The following MYH16 variants were observed in gnomAD, a reference collection of about 807,000 sequenced individuals.
MYH16 encodes the protein myosin heavy chain 16, also known as putative uncharacterized protein MYH16.
At chr7:99,256,587 A>C (rs1478498758) in intron 9 of MYH16, among the ~76,000 whole-genome samples, 5 of 152,228 alleles carry the variant, frequency 3.3e-5, no homozygotes, top group Non-Finnish European at 4.4e-5. Flanking sequence ...CAGCCTGACC[A>C]ACATGGTGAA....
intron 1 of MYH16, among the ~76,000 whole-genome samples, chr7:99,240,263 G>C (rs913912594): frequency 1.3e-5 from 2 of 151,986 alleles, no homozygotes; most frequent in Admixed American, 1.3e-4. Context: ...GATGAATTTG[G>C]ATTCAAACCC....
At chr7:99,246,951 T>C (rs2150805902) in intron 2 of MYH16, among the ~76,000 whole-genome samples, 1 of 152,274 alleles carries the variant, frequency 6.6e-6, no homozygotes, top group African/African-American at 2.4e-5. Flanking sequence ...CGATTTATGA[T>C]CAAACCCATC....
At chr7:99,294,567 A>ATTT (rs1161923361) in intron 33 of MYH16, among the ~76,000 whole-genome samples, 1 of 143,672 alleles carries the variant, frequency 7.0e-6, no homozygotes, top group African/African-American at 2.6e-5. Context: ...ATATATATAT[A>ATTT]TTTTTTTTCT....
intron 2 of MYH16, among the ~76,000 whole-genome samples, chr7:99,246,784 G>C (rs1326643898): frequency 6.6e-6 from 1 of 151,682 alleles, no homozygotes. Context: ...GGTGGGGGTG[G>C]GCATGGAGCA....
At chr7:99,257,364 A>T in exon 10 of MYH16, 1 of 179,262 alleles carries the variant, frequency 5.6e-6, no homozygotes, top group South Asian at 1.4e-4. Context: ...AGCTGACGGG[A>T]GGTATCATGC....
intron 2 of MYH16, among the ~76,000 whole-genome samples, chr7:99,244,147 T>C (rs1172363533): frequency 6.6e-6 from 1 of 152,096 alleles, no homozygotes; most frequent in East Asian, 1.9e-4. Context: ...CAAACATCCA[T>C]CCATCCATCC....
At chr7:99,310,216 G>A (rs1486485252), downstream of MYH16, among the ~76,000 whole-genome samples, 1 of 152,194 alleles carries the variant, frequency 6.6e-6, no homozygotes, top group African/African-American at 2.4e-5. Flanking sequence ...GCTGGCTGGA[G>A]TAGATGGGCT....
intron 37 of MYH16, among the ~76,000 whole-genome samples, chr7:99,299,977 T>TTATC (rs1792567613): frequency 1.3e-5 from 2 of 150,932 alleles, no homozygotes; most frequent in Admixed American, 6.6e-5. Context: ...ATTTATTTAT[T>TTATC]TGATGGAGTT....
chr7:99,250,865 C>T lies in MYH16; in HGVS notation n.637-229C>T, dbSNP rs1403945827. ...AGTGGCTGCCCGTGTCCCCAGGTGC[C>T]CCTCCCAGTGTCACGGAGCCACAGA... On this transcript the variant is annotated intron_variant and non_coding_transcript_variant, in intron 5 of 41. Transcript: ENST00000439784. 2.6e-5 allele frequency among the ~76,000 whole-genome samples: 4 copies of T among 152,180 alleles called. No homozygotes were observed. The East Asian group carries it at 5.8e-4, about 22-fold the overall frequency.
intron 2 of MYH16, among the ~76,000 whole-genome samples, chr7:99,247,344 T>C (rs1351008868): frequency 1.3e-5 from 2 of 152,174 alleles, no homozygotes; most frequent in African/African-American, 4.8e-5. Context: ...AGCTAATTGT[T>C]TCGTCCTTTT....
rs1351848288 is a variant in MYH16 at position 99,264,851 on chromosome 7, C to T, written n.1942-253C>T. 3.9e-5 allele frequency among the ~76,000 whole-genome samples: 6 copies of T among 152,152 alleles called. No individual in the cohort carries two copies. The East Asian group carries it at 1.2e-3, about 29-fold the overall frequency. ...CGACCCAGCTCTGAATCTGGAGGGGCCCCACTTCTTGCAAACCACGGCCCC... is the reference window on the plus strand; with the variant it reads ...CGACCCAGCTCTGAATCTGGAGGGGTCCCACTTCTTGCAAACCACGGCCCC... On this transcript the variant is annotated intron_variant and non_coding_transcript_variant, in intron 15 of 41. Coordinates refer to ENST00000439784, the Ensembl canonical transcript of MYH16.
chr7:99,287,886 C>T lies in MYH16; in HGVS notation n.3461-6C>T, dbSNP rs1402004455. 4.4e-6 allele frequency: 2 copies of T among 454,824 alleles called. No individual in the cohort carries two copies. Among genetic ancestry groups the T allele is most frequent in the Non-Finnish European group, 8.8e-6 (2 of 226,644 alleles). The allele number at this position is 454,824 out of a possible 1,614,324, so 28.2% of individuals were successfully genotyped here. On this transcript the variant is annotated splice_polypyrimidine_tract_variant and splice_region_variant and intron_variant and non_coding_transcript_variant, in intron 28 of 41. Coordinates refer to ENST00000439784, the Ensembl canonical transcript of MYH16. ...GTTCTGCTAAGCTGCTCCTCCTCTA[C>T]CCCAGATCGAGCAGAACCGCAAGCG...
chr7:99,285,477 C>G lies in MYH16; in HGVS notation n.3373+39C>G, dbSNP rs1245844832. 5 of 456,454 alleles carry G rather than the reference C, an allele frequency of 1.1e-5. No individual in the cohort carries two copies. In the East Asian group the frequency reaches 3.5e-4, roughly 32 times the overall value. The allele number at this position is 456,454 out of a possible 1,614,324, so 28.3% of individuals were successfully genotyped here. On this transcript the variant is annotated intron_variant and non_coding_transcript_variant, in intron 27 of 41. Coordinates refer to ENST00000439784, the Ensembl canonical transcript of MYH16. ...GTTTCCCCTTCTTGAGTCAAAAGAC[C>G]TAACGGCAGTCACACATCCAACCAT...
chr7:99,239,372 T>C (rs917905233), intron 1 of MYH16, among the ~76,000 whole-genome samples: 2 of 152,186 alleles, frequency 1.3e-5, no homozygotes, highest in Non-Finnish European at 2.9e-5. Context: ...TTTCTAAGCA[T>C]GAGAGTGAGC....
intron 23 of MYH16, among the ~76,000 whole-genome samples, chr7:99,282,673 C>G (rs1792215551): frequency 6.6e-6 from 1 of 151,716 alleles, no homozygotes; most frequent in Admixed American, 6.6e-5. Flanking sequence ...GCTTCGCACT[C>G]TCACCTGAGC....
At chr7:99,259,464 T>C (rs1431621998) in intron 11 of MYH16, among the ~76,000 whole-genome samples, 2 of 151,952 alleles carry the variant, frequency 1.3e-5, no homozygotes, top group Non-Finnish European at 2.9e-5. Context: ...TTTTTGTTTA[T>C]TTATTTTTTT....
chr7:99,305,043 G>C (rs1792661714), intron 40 of MYH16, among the ~76,000 whole-genome samples: 1 of 152,018 alleles, frequency 6.6e-6, no homozygotes, highest in Non-Finnish European at 1.5e-5. Flanking sequence ...TGTTAAATTA[G>C]CTGGGTGTGG....
At chr7:99,269,125 G>C (rs561479565) in intron 18 of MYH16, among the ~76,000 whole-genome samples, 22 of 152,224 alleles carry the variant, frequency 1.4e-4, no homozygotes, top group African/African-American at 5.1e-4. Context: ...CCTGTAAAAA[G>C]GTGTTACATT....
downstream of MYH16, among the ~76,000 whole-genome samples, chr7:99,307,907 G>A (rs1368932263): frequency 4.6e-5 from 7 of 151,838 alleles, no homozygotes; most frequent in Admixed American, 3.9e-4. Context: ...GTAGAGACGG[G>A]GTTTCACCAT....
Sources: allele counts gnomAD v4.1 joint callset (sites outside exome capture counted in the v4.1 genomes callset), GRCh38; gene constraint gnomAD v4.1.1; transcripts MANE v1.5; gene names NCBI Gene and HGNC (gene_info 2026-07-23, HGNC 2026-07-21).